Variants in BFSP2 observed in about 807,000 individuals in gnomAD.
BFSP2 encodes phakinin.
In BFSP2, 38 loss-of-function variants were observed where a neutral mutation model predicts 44.9. The ratio of observed to expected loss-of-function variants is 0.85; its 90% CI spans 0.65 to 1.11. The LOEUF (loss-of-function observed/expected upper bound fraction) is 1.11. Ranked by LOEUF, BFSP2 falls within the 50% of genes least tolerant of loss-of-function variation. The pLI, the probability that BFSP2 is intolerant of heterozygous loss-of-function variation, is 0.00. For synonymous variants in BFSP2, 197 were observed against 209.9 expected (o/e 0.94, Z 0.53); for missense variants, 525 against 533.0 (o/e 0.99, Z 0.15).
At position 133,419,467 on chromosome 3, in the gene BFSP2, C is replaced by G. The variant is rs184090099; in HGVS notation, c.489+18895C>G. 2.1e-3 allele frequency among the ~76,000 whole-genome samples: 314 copies of G among 152,236 alleles called. 2 individuals carry two copies. The highest frequency in any genetic ancestry group is 7.4e-3 in the African/African-American group (306 of 41,540). On this transcript the variant is annotated intron_variant, in intron 1 of 6. Transcript: ENST00000302334. ...GCCCGAGTTAGTCCTGTCCCAGAAC[C>G]CTGAAGGGTAGGCGGGCCCACAGTC...
intron 1 of BFSP2, among the ~76,000 whole-genome samples, chr3:133,433,165 A>C (rs546274240): frequency 1.3e-5 from 2 of 151,988 alleles, no homozygotes; most frequent in East Asian, 1.9e-4. Context: ...CTGATACCAC[A>C]CCTGACCCCC....
At chr3:133,412,185 T>C (rs1003521773) in intron 1 of BFSP2, 2 of 152,126 alleles carry the variant, frequency 1.3e-5, no homozygotes, top group African/African-American at 4.8e-5. Context: ...TAAAACAAAA[T>C]AGGCCACGTG....
At chr3:133,425,351 G>A (rs943889484) in intron 1 of BFSP2, among the ~76,000 whole-genome samples, 1 of 152,188 alleles carries the variant, frequency 6.6e-6, no homozygotes, top group Non-Finnish European at 1.5e-5. Flanking sequence ...GCACGTGATG[G>A]ATGTCAACCG....
rs768645876 is a variant in BFSP2, at chr3:133,472,581, G to A, written c.1244+16G>A. On this transcript the variant is annotated intron_variant, in intron 6 of 6. Coordinates refer to ENST00000302334, the MANE Select transcript of BFSP2 (RefSeq NM_003571.4). ...AGGAGAGCGGGTAAGCCTCGCTTCC[G>A]CGTCAATTATCCAAGAGATGCATAT... 3 of 1,608,292 alleles carry A rather than the reference G, an allele frequency of 1.9e-6. No individual in the cohort carries two copies. The highest frequency in any genetic ancestry group is 2.5e-6 in the Non-Finnish European group (3 of 1,178,136).
chr3:133,458,973 C>T (rs1049091791), intron 4 of BFSP2, among the ~76,000 whole-genome samples: 2 of 152,140 alleles, frequency 1.3e-5, no homozygotes, highest in Admixed American at 1.3e-4. Flanking sequence ...AAAGAACGCT[C>T]GTCCCAGACT....
intron 1 of BFSP2, among the ~76,000 whole-genome samples, chr3:133,430,821 G>A (rs921811433): frequency 1.7e-4 from 26 of 152,028 alleles, no homozygotes; most frequent in South Asian, 4.2e-4. Flanking sequence ...TCACCAGGCC[G>A]AGCTAGGTCC....
Position 133,472,525 on chromosome 3 carries a change from G to A in BFSP2, c.1204G>A (p.Val402Met), listed in dbSNP as rs765440991. ...CCGCAAGTGCCAGCTGCAGAAGGAC[G>A]TGGCGTCCTACCACGCCCTGCTGGA... ...LARKCQLQKD[V>M]ASYHALLDRE... The change falls in exon 6 of 7, where the codon GTG becomes ATG. Residue 402 changes from valine to methionine, a missense_variant. By Grantham distance (21) the Val-to-Met change is conservative. Transcript: ENST00000302334. The A allele has an allele frequency of 1.2e-6, 2 of 1,612,722 alleles. No homozygotes were observed. Among genetic ancestry groups the A allele is most frequent in the Non-Finnish European group, 1.7e-6 (2 of 1,179,990 alleles).
In BFSP2 at chr3:133,400,449, G is replaced by A. The variant is rs139476224; in HGVS notation, c.366G>A (p.Val122=). The change falls in exon 1 of 7, where the codon GTG becomes GTA. Residue 122 remains valine, a synonymous_variant. Transcript: ENST00000302334. The surrounding 1 kb of genome is among the most constrained non-coding windows in gnomAD (Gnocchi z 4.0). The part of the protein sequence containing the change: ...GGCLVEYMAK[V]HALEQVSQEL... ...GCCTGGTGGAATATATGGCCAAAGT[G>A]CACGCCCTTGAGCAAGTCAGTCAGG... 9.8e-4 allele frequency: 1,581 copies of A among 1,614,036 alleles called. 3 individuals carry two copies. Among genetic ancestry groups the A allele is most frequent in the Non-Finnish European group, 1.2e-3 (1,448 of 1,180,042 alleles).
intron 2 of BFSP2, among the ~76,000 whole-genome samples, chr3:133,447,880 A>G (rs1181337491): frequency 6.6e-6 from 1 of 152,218 alleles, no homozygotes; most frequent in Non-Finnish European, 1.5e-5. Flanking sequence ...GCAGTGCACA[A>G]GCCATAGACT....
At chr3:133,463,913 C>T (rs73213705) in intron 4 of BFSP2, among the ~76,000 whole-genome samples, 2,980 of 152,264 alleles carry the variant, frequency 0.02, 42 homozygotes, top group Non-Finnish European at 0.033. Flanking sequence ...TTACCAGTAA[C>T]AATGTAATTT....
At chr3:133,424,245 T>TGTGTGTGTGTGTGTG (rs2073623766) in intron 1 of BFSP2, among the ~76,000 whole-genome samples, 3 of 129,714 alleles carry the variant, frequency 2.3e-5, no homozygotes, top group African/African-American at 1.0e-4. Context: ...TTTTTTTGTA[T>TGTGTGTGTGTGTGTG]TTTTAGTAGA....
chr3:133,415,363 T>TGCCCTCTCTCCCCTACTCACCCCC (rs375805065), intron 1 of BFSP2, among the ~76,000 whole-genome samples: 1 of 78,864 alleles, frequency 1.3e-5, no homozygotes, highest in Non-Finnish European at 2.4e-5. Context: ...TACTCACCCC[T>TGCCCTCTCTCCCCTACTCACCCCC]CTACTCAACC....
Position 133,448,536 on chromosome 3 carries a change from ACT to A in BFSP2, c.625_626del (p.Leu209ValfsTer2), listed in dbSNP as rs746464807. On this transcript the variant is annotated frameshift_variant, in exon 3 of 7. Transcript: ENST00000302334. LOFTEE classifies it high-confidence loss of function. ...CGAAAGGCGGCAGAAGAGGAAATTA[ACT>A]CTCTGTATAAAGTCATTGATGAGGC... The A allele has an allele frequency of 2.5e-6, 4 of 1,613,944 alleles. No individual in the cohort carries two copies. Among genetic ancestry groups the A allele is most frequent in the East Asian group, 4.5e-5 (2 of 44,860 alleles).
At chr3:133,435,855 T>C (rs1324575050) in intron 1 of BFSP2, among the ~76,000 whole-genome samples, 2 of 152,222 alleles carry the variant, frequency 1.3e-5, no homozygotes, top group Admixed American at 1.3e-4. Context: ...CCCATAAACT[T>C]TTCATAAAGC....
intron 1 of BFSP2, among the ~76,000 whole-genome samples, chr3:133,432,963 G>T (rs2073740439): frequency 6.6e-6 from 1 of 152,122 alleles, no homozygotes; most frequent in Admixed American, 6.5e-5. Flanking sequence ...TACTTTTAGA[G>T]GCCCTCAAAA....
intron 1 of BFSP2, among the ~76,000 whole-genome samples, chr3:133,401,737 A>G (rs1401688832): frequency 6.6e-6 from 1 of 152,138 alleles, no homozygotes; most frequent in Non-Finnish European, 1.5e-5. Flanking sequence ...CTGCCAACTC[A>G]GACCCTTGGC....
intron 1 of BFSP2, among the ~76,000 whole-genome samples, chr3:133,422,553 C>G (rs192347283): frequency 5.3e-5 from 8 of 152,308 alleles, no homozygotes; most frequent in Non-Finnish European, 1.2e-4. Context: ...ATAGAGGAGG[C>G]TGTCACTGCT....
At chr3:133,405,336 G>T (rs1229590769) in intron 1 of BFSP2, among the ~76,000 whole-genome samples, 1 of 152,210 alleles carries the variant, frequency 6.6e-6, no homozygotes, top group African/African-American at 2.4e-5. Context: ...AAAGGCAAAG[G>T]ATTAGAGTTT....
At chr3:133,446,580 A>T (rs1295730216) in intron 1 of BFSP2, among the ~76,000 whole-genome samples, 2 of 7,870 alleles carry the variant, frequency 2.5e-4, no homozygotes, top group Admixed American at 1.4e-3. Context: ...TTATATATAT[A>T]TATATATATA....
Sources: gnomAD v4.1 joint callset for allele counts (sites outside exome capture counted in the v4.1 genomes callset) on GRCh38, gnomAD v4.1.1 for gene constraint, Gnocchi (gnomAD v3.1) non-coding constraint, MANE v1.5 for transcripts, NCBI Gene and HGNC (gene_info 2026-07-23, HGNC 2026-07-21) for gene names.